BGLAP: variants seen among roughly 807,000 people sequenced by gnomAD.
BGLAP encodes the protein bone gamma-carboxyglutamate protein.
BGLAP carries 15 observed loss-of-function variants against 13.7 expected under a neutral mutation model. The ratio of observed to expected loss-of-function variants is 1.09; its 90% CI spans 0.73 to 1.68. BGLAP has a LOEUF of 1.68. Among genes scored for constraint, BGLAP ranks in the 40% most tolerant of loss-of-function variants. The pLI is 0.00. For missense variants in BGLAP, 120 were observed against 134.3 expected (o/e 0.89, Z 0.53); for synonymous variants, 67 against 56.2 (o/e 1.19, Z -0.86).
chr1:156,242,872 C>G lies in BGLAP; in HGVS notation c.173+41C>G, dbSNP rs766026765. 2.5e-6 allele frequency: 4 copies of G among 1,571,550 alleles called. No individual in the cohort carries two copies. In the East Asian group the frequency reaches 9.0e-5, roughly 35 times the overall value. On this transcript the variant is annotated intron_variant, in intron 3 of 3. Coordinates refer to ENST00000368272, the MANE Select transcript of BGLAP (RefSeq NM_199173.6). ...GAGCTGGGCCAAGGCCCTGCCTCTC[C>G]GGGATGGTCTGTGGGGGAGCTGCAG...
At position 156,243,245 on chromosome 1, in the gene BGLAP, C is replaced by T. The variant is rs1212983632; in HGVS notation, c.*83C>T. On this transcript the variant is annotated 3_prime_UTR_variant, in exon 4 of 4. Coordinates refer to ENST00000368272, the MANE Select transcript of BGLAP (RefSeq NM_199173.6). ...TCTTTCCTCTTCCCCTTGCCCTTGC[C>T]CTGACCTCCCAGCCCTATGGATGTG... The T allele has an allele frequency of 1.1e-5, 17 of 1,587,104 alleles. No individual in the cohort carries two copies. Among genetic ancestry groups the T allele is most frequent in the Non-Finnish European group, 1.3e-5 (15 of 1,169,868 alleles).
chr1:156,242,817 G>C lies in BGLAP; in HGVS notation c.159G>C (p.Leu53=), dbSNP rs1205843173. The change falls in exon 3 of 4, where the codon CTG becomes CTC. Residue 53 remains leucine, a synonymous_variant. Transcript: ENST00000368272. The stretch of plus-strand genomic sequence containing the variant: ...TAGTGAAGAGACCCAGGCGCTACCT[G>C]TATCAATGGCTGGGGTGAGAGAAAA... The part of the protein sequence containing the change: ...SEVVKRPRRY[L]YQWLGAPVPY... The C allele has an allele frequency of 3.8e-6, 6 of 1,599,188 alleles. No individual in the cohort carries two copies. The highest frequency in any genetic ancestry group is 1.3e-5 in the African/African-American group (1 of 74,512).
rs1298128431 is a variant in BGLAP at position 156,243,170 on chromosome 1, C to T, written c.*8C>T. On this transcript the variant is annotated 3_prime_UTR_variant, in exon 4 of 4. Coordinates refer to ENST00000368272, the MANE Select transcript of BGLAP (RefSeq NM_199173.6). Reference sequence around the variant, plus strand: ...TTCTACGGCCCGGTCTAGGGTGTCGCTCTGCTGGCCTGGCCGGCAACCCCA... The same window carrying T: ...TTCTACGGCCCGGTCTAGGGTGTCGTTCTGCTGGCCTGGCCGGCAACCCCA... The T allele has an allele frequency of 1.2e-6, 2 of 1,613,330 alleles. No individual in the cohort carries two copies. The highest frequency in any genetic ancestry group is 1.1e-5 in the South Asian group (1 of 91,076).
chr1:156,242,192 T>A lies in BGLAP; in HGVS notation c.-40T>A. ...CTGGAGGCTGGCGGGGCAGGCCAGCTGAGTCCTGAGCAGCAGCCCAGCGCA... is the reference window on the plus strand; with the variant it reads ...CTGGAGGCTGGCGGGGCAGGCCAGCAGAGTCCTGAGCAGCAGCCCAGCGCA... On this transcript the variant is annotated 5_prime_UTR_variant, in exon 1 of 4. Coordinates refer to ENST00000368272, the MANE Select transcript of BGLAP (RefSeq NM_199173.6). 6.3e-7 allele frequency: 1 copy of A among 1,599,094 alleles called. No individual in the cohort carries two copies. The highest frequency in any genetic ancestry group is 8.5e-7 in the Non-Finnish European group (1 of 1,175,080).
chr1:156,243,062 A>G lies in BGLAP; in HGVS notation c.203A>G (p.Glu68Gly). ...GAPVPYPDPL[E>G]PRREVCELNP... ...CCAGTCCCCTACCCGGATCCCCTGG[A>G]GCCCAGGAGGGAGGTGTGTGAGCTC... Residue 68 changes from glutamate to glycine, a missense_variant, in exon 4 of 4, where the codon GAG becomes GGG. Glu to Gly is a moderately conservative substitution (Grantham distance 98). Coordinates refer to ENST00000368272, the MANE Select transcript of BGLAP (RefSeq NM_199173.6). 3 of 1,614,140 alleles carry G rather than the reference A, an allele frequency of 1.9e-6. No individual in the cohort carries two copies. Among genetic ancestry groups the G allele is most frequent in the Non-Finnish European group, 2.5e-6 (3 of 1,179,996 alleles).
intron 1 of BGLAP, 110 bp downstream of exon 1, chr1:156,242,405 A>G (rs1659450420): frequency 1.3e-6 from 2 of 1,543,532 alleles, no homozygotes; most frequent in South Asian, 2.4e-5. Flanking sequence ...TTGCAGTCTA[A>G]CCACCTTGTT....
At position 156,243,112 on chromosome 1, in the gene BGLAP, G is replaced by A; in HGVS notation, c.253G>A (p.Asp85Asn). The A allele has an allele frequency of 6.2e-7, 1 of 1,614,140 alleles. No individual in the cohort carries two copies. The highest frequency in any genetic ancestry group is 8.5e-7 in the Non-Finnish European group (1 of 1,180,006). Residue 85 changes from aspartate (D) to asparagine (N), a missense_variant, in exon 4 of 4, where the codon GAC becomes AAC. By Grantham distance (23) the Asp-to-Asn change is conservative (BLOSUM62 1). Transcript: ENST00000368272. ...ELNPDCDELA[D>N]HIGFQEAYRR... ...CAATCCGGACTGTGACGAGTTGGCT[G>A]ACCACATCGGCTTTCAGGAGGCCTA...
chr1:156,243,108 G>A lies in BGLAP; in HGVS notation c.249G>A (p.Leu83=), dbSNP rs368695768. 1.8e-5 allele frequency: 29 copies of A among 1,614,138 alleles called. No individual in the cohort carries two copies. In the African/African-American group the frequency reaches 3.3e-4, roughly 19 times the overall value. ...AGCTCAATCCGGACTGTGACGAGTT[G>A]GCTGACCACATCGGCTTTCAGGAGG... ...VCELNPDCDE[L]ADHIGFQEAY... is the part of the protein sequence containing the mutation. The change falls in exon 4 of 4, where the codon TTG becomes TTA. Residue 83 remains leucine (L), a synonymous_variant. Transcript: ENST00000368272.
rs765394867 is a variant in BGLAP at position 156,243,042 on chromosome 1, C to G, written c.183C>G (p.Val61=). 1.9e-6 allele frequency: 3 copies of G among 1,614,130 alleles called. No individual in the cohort carries two copies. In the South Asian group the frequency reaches 3.3e-5, roughly 18 times the overall value. ...RYLYQWLGAP[V]PYPDPLEPRR... Reference sequence around the variant, plus strand: ...ACGTCGGGTGTCTCAGAGCCCCAGTCCCCTACCCGGATCCCCTGGAGCCCA... The same window carrying G: ...ACGTCGGGTGTCTCAGAGCCCCAGTGCCCTACCCGGATCCCCTGGAGCCCA... The change falls in exon 4 of 4, where the codon GTC becomes GTG. Residue 61 remains valine (V), a synonymous_variant. Transcript: ENST00000368272.
intron 3 of BGLAP, 96 bp downstream of exon 3, chr1:156,242,927 G>T: frequency 1.3e-6 from 2 of 1,580,118 alleles, no homozygotes; most frequent in Non-Finnish European, 1.7e-6. Flanking sequence ...GTTGTGGTGG[G>T]GGTACAGGCA....
In BGLAP at chr1:156,243,193, C is replaced by A. The variant is rs964494486; in HGVS notation, c.*31C>A. The A allele has an allele frequency of 6.2e-7, 1 of 1,611,262 alleles. No homozygotes were observed. Among genetic ancestry groups the A allele is most frequent in the African/African-American group, 1.3e-5 (1 of 74,888 alleles). On this transcript the variant is annotated 3_prime_UTR_variant, in exon 4 of 4. Coordinates refer to ENST00000368272, the MANE Select transcript of BGLAP (RefSeq NM_199173.6). ...CGCTCTGCTGGCCTGGCCGGCAACC[C>A]CAGTTCTGCTCCTCTCCAGGCACCC...
At position 156,242,281 on chromosome 1, in the gene BGLAP, T is replaced by A; in HGVS notation, c.50T>A (p.Ile17Asn). ...CTATTGGCCCTGGCCGCACTTTGCA[T>A]CGCTGGCCAGGCAGGTGAGTGCCCC... The part of the protein sequence containing the change: ...LALLALAALC[I>N]AGQAGAKPSG... Residue 17 changes from isoleucine (I) to asparagine (N), a missense_variant, in exon 1 of 4, where the codon ATC becomes AAC. Physicochemically the swap from Ile to Asn is moderately radical, Grantham distance 149 (BLOSUM62 -3). Coordinates refer to ENST00000368272, the MANE Select transcript of BGLAP (RefSeq NM_199173.6). 6.2e-7 allele frequency: 1 copy of A among 1,612,638 alleles called. No individual in the cohort carries two copies. The highest frequency in any genetic ancestry group is 8.5e-7 in the Non-Finnish European group (1 of 1,179,792).
At position 156,242,595 on chromosome 1, in the gene BGLAP, T is replaced by C; in HGVS notation, c.103+4T>C. ...GCAGAGTCCAGCAAAGGTGCAGGTA[T>C]GAGGATGGACCTGATGGGTTCCTGG... On this transcript the variant is annotated splice_donor_region_variant and intron_variant, in intron 2 of 3. Transcript: ENST00000368272. The C allele has an allele frequency of 6.4e-7, 1 of 1,558,774 alleles. No individual in the cohort carries two copies. The highest frequency in any genetic ancestry group is 8.7e-7 in the Non-Finnish European group (1 of 1,150,744).
intron 3 of BGLAP, 65 bp from the exon 4 acceptor site, chr1:156,242,968 T>C (rs1439808989): frequency 1.2e-6 from 2 of 1,608,140 alleles, no homozygotes; most frequent in Non-Finnish European, 1.7e-6. Context: ...TGGAGCCCCA[T>C]GTGTAGGGAG....
rs201877298 is a variant in BGLAP at position 156,242,773 on chromosome 1, A to C, written c.115A>C (p.Lys39Gln). 6.3e-7 allele frequency: 1 copy of C among 1,597,682 alleles called. No individual in the cohort carries two copies. Among genetic ancestry groups the C allele is most frequent in the African/African-American group, 1.3e-5 (1 of 74,548 alleles). ...ESSKGAAFVSKQEGSEVVKRP... is the reference protein window; with the variant it reads ...ESSKGAAFVSQQEGSEVVKRP... ...CCTCTGCTCCACAGCCTTTGTGTCCAAGCAGGAGGGCAGCGAGGTAGTGAA... is the reference window on the plus strand; with the variant it reads ...CCTCTGCTCCACAGCCTTTGTGTCCCAGCAGGAGGGCAGCGAGGTAGTGAA... The change falls in exon 3 of 4, where the codon AAG becomes CAG. Residue 39 changes from lysine to glutamine, a missense_variant. Physicochemically the swap from Lys to Gln is moderately conservative, Grantham distance 53 (BLOSUM62 1). Coordinates refer to ENST00000368272, the MANE Select transcript of BGLAP (RefSeq NM_199173.6).
chr1:156,242,406 C>T, intron 1 of BGLAP, 111 bp downstream of exon 1: 1 of 1,542,688 alleles, frequency 6.5e-7, no homozygotes, highest in East Asian at 2.5e-5. Context: ...TGCAGTCTAA[C>T]CACCTTGTTG....
chr1:156,242,574 A>G lies in BGLAP; in HGVS notation c.86A>G (p.Glu29Gly), dbSNP rs749408767. 5 of 1,553,702 alleles carry G rather than the reference A, an allele frequency of 3.2e-6. No individual in the cohort carries two copies. The highest frequency in any genetic ancestry group is 4.4e-6 in the Non-Finnish European group (5 of 1,148,040). ...GCAGGTGCGAAGCCCAGCGGTGCAG[A>G]GTCCAGCAAAGGTGCAGGTATGAGG... is the stretch of plus-strand genomic sequence containing the variant. Reference protein sequence around the residue: ...GQAGAKPSGAESSKGAAFVSK... With the variant: ...GQAGAKPSGAGSSKGAAFVSK... The change falls in exon 2 of 4, where the codon GAG (glutamate) becomes GGG (glycine). Residue 29 changes from glutamate to glycine, a missense_variant. Coordinates refer to ENST00000368272, the MANE Select transcript of BGLAP (RefSeq NM_199173.6).
In BGLAP at chr1:156,243,047, A is replaced by AC. The variant is rs762365057; in HGVS notation, c.191dup (p.Asp65GlyfsTer11). On this transcript the variant is annotated frameshift_variant, in exon 4 of 4. Coordinates refer to ENST00000368272, the MANE Select transcript of BGLAP (RefSeq NM_199173.6). LOFTEE classifies it high-confidence loss of function. Reference sequence around the variant, plus strand: ...GGGTGTCTCAGAGCCCCAGTCCCCTACCCGGATCCCCTGGAGCCCAGGAGG... The same window carrying AC: ...GGGTGTCTCAGAGCCCCAGTCCCCTACCCCGGATCCCCTGGAGCCCAGGAGG... The AC allele has an allele frequency of 1.9e-6, 3 of 1,614,024 alleles. No homozygotes were observed. The highest frequency in any genetic ancestry group is 2.5e-6 in the Non-Finnish European group (3 of 1,179,974).
In BGLAP at chr1:156,243,048, C is replaced by G. The variant is rs1558203525; in HGVS notation, c.189C>G (p.Tyr63Ter). ...LYQWLGAPVP[Y>*]PDPLEPRREV... ...GGTGTCTCAGAGCCCCAGTCCCCTACCCGGATCCCCTGGAGCCCAGGAGGG... is the reference window on the plus strand; with the variant it reads ...GGTGTCTCAGAGCCCCAGTCCCCTAGCCGGATCCCCTGGAGCCCAGGAGGG... Residue 63 changes from tyrosine (Y) to a stop codon, truncating the protein, a stop_gained, in exon 4 of 4, where the codon TAC (tyrosine) becomes TAG (stop). Transcript: ENST00000368272. LOFTEE classifies it high-confidence loss of function. 6.2e-7 allele frequency: 1 copy of G among 1,614,160 alleles called. No homozygotes were observed. The highest frequency in any genetic ancestry group is 2.2e-5 in the East Asian group (1 of 44,880).
Sources: gnomAD v4.1 joint callset for allele counts on GRCh38, gnomAD v4.1.1 for gene constraint, MANE v1.5 for transcripts, NCBI Gene and HGNC (gene_info 2026-07-23, HGNC 2026-07-21) for gene names.